POLE2: variants seen among roughly 807,000 people sequenced by gnomAD.
The protein encoded by POLE2 is DNA polymerase epsilon 2, accessory subunit.
POLE2 carries 56 observed loss-of-function variants against 79.4 expected under a neutral mutation model. The observed-to-expected ratio is 0.71, with a 90% CI of 0.57 to 0.88. The LOEUF (loss-of-function observed/expected upper bound fraction) is 0.88. POLE2 is among the 40% of genes least tolerant of loss of function. The pLI, the probability that POLE2 is intolerant of heterozygous loss-of-function variation, is 0.00. For synonymous variants in POLE2, 212 were observed against 214.0 expected (o/e 0.99, Z 0.08); for missense variants, 598 against 638.9 (o/e 0.94, Z 0.69).
At chr14:49,658,595 G>A (rs35682205) in intron 10 of POLE2, among the ~76,000 whole-genome samples, 42,798 of 152,042 alleles carry the variant, frequency 0.28, 7,167 homozygotes, top group African/African-American at 0.45. Flanking sequence ...TGTCATGCAC[G>A]GCATAAAAAC....
intron 16 of POLE2, among the ~76,000 whole-genome samples, chr14:49,650,776 A>G (rs1290199015): frequency 6.6e-6 from 1 of 152,220 alleles, no homozygotes; most frequent in East Asian, 1.9e-4. Context: ...AACTTTAAAT[A>G]TTATAAAATG....
At chr14:49,680,087 C>A (rs1320404150) in intron 2 of POLE2, among the ~76,000 whole-genome samples, 2 of 152,210 alleles carry the variant, frequency 1.3e-5, no homozygotes, top group African/African-American at 4.8e-5. Context: ...CGGTGGCTCA[C>A]ACCTATAATC....
chr14:49,667,536 A>G (rs1477513982), intron 6 of POLE2, among the ~76,000 whole-genome samples: 3 of 151,476 alleles, frequency 2.0e-5, no homozygotes, highest in African/African-American at 7.3e-5. Flanking sequence ...TTCTTGGCCC[A>G]CTACACAGAT....
chr14:49,665,831 T>C (rs28449338), intron 7 of POLE2, among the ~76,000 whole-genome samples: 2,679 of 152,168 alleles, frequency 0.018, 69 homozygotes, highest in African/African-American at 0.061. Context: ...ATTTTATTTA[T>C]TTATTTATTT....
chr14:49,664,219 T>G lies in POLE2; in HGVS notation c.682+407A>C, dbSNP rs193116843. On this transcript the variant is annotated intron_variant, in intron 9 of 18. Coordinates refer to ENST00000216367, the MANE Select transcript of POLE2 (RefSeq NM_002692.4). The stretch of plus-strand genomic sequence containing the variant: ...AAAAAATTAGCTAGGCATGGTGGCA[T>G]GCGCCTATAATCTCAGCTACTCGGA... Among the ~76,000 whole-genome samples, 127 of 146,964 alleles carry G rather than the reference T, an allele frequency of 8.6e-4. No individual in the cohort carries two copies. The East Asian group carries it at 0.025, about 28-fold the overall frequency.
intron 3 of POLE2, chr14:49,677,274 T>C (rs1371803291): frequency 3.3e-6 from 2 of 606,354 alleles, no homozygotes; most frequent in Non-Finnish European, 6.0e-6. Flanking sequence ...AGCTGCTGCT[T>C]CCGTTCTTTA....
chr14:49,659,058 G>A (rs1277331988), intron 10 of POLE2, among the ~76,000 whole-genome samples: 2 of 152,094 alleles, frequency 1.3e-5, no homozygotes, highest in Non-Finnish European at 1.5e-5. Context: ...ATGATTCTGT[G>A]TATAGGCCTA....
At chr14:49,679,391 A>G (rs1162200547) in intron 3 of POLE2, 1 of 192,404 alleles carries the variant, frequency 5.2e-6, no homozygotes, top group African/African-American at 2.3e-5. Context: ...CTTTCCTAAG[A>G]GCAAAGTAAA....
chr14:49,660,260 T>C (rs1421968874), intron 10 of POLE2, among the ~76,000 whole-genome samples: 1 of 152,196 alleles, frequency 6.6e-6, no homozygotes, highest in Non-Finnish European at 1.5e-5. Context: ...CAGTGGGCTA[T>C]ATCATCTAGG....
At chr14:49,670,145 G>A (rs1885773543) in intron 5 of POLE2, among the ~76,000 whole-genome samples, 1 of 151,880 alleles carries the variant, frequency 6.6e-6, no homozygotes, top group Middle Eastern at 3.4e-3. Context: ...GTGAAACCAC[G>A]TCTCTACCAA....
At chr14:49,651,546 T>C in intron 15 of POLE2, 169 bp from the exon 16 acceptor site, 1 of 437,628 alleles carries the variant, frequency 2.3e-6, no homozygotes, top group Non-Finnish European at 4.1e-6. Flanking sequence ...TGTATTGAGC[T>C]CTTAATATAT....
At position 49,654,912 on chromosome 14, in the gene POLE2, T is replaced by G. The variant is rs551511232; in HGVS notation, c.1019-74A>C. On this transcript the variant is annotated intron_variant, in intron 12 of 18. Transcript: ENST00000216367. ...AATTATATTTGATTAGATACAATCC[T>G]GTATATTCTTAATTAAAATATTATG... 355 of 1,395,954 alleles carry G rather than the reference T, an allele frequency of 2.5e-4. No homozygotes were observed. The African/African-American group carries it at 4.6e-3, about 18-fold the overall frequency. 86.5% of individuals were successfully genotyped at this position (1,395,954 alleles called of 1,614,324 possible).
chr14:49,654,073 A>C lies in POLE2; in HGVS notation c.1134-6T>G. On this transcript the variant is annotated splice_region_variant and splice_polypyrimidine_tract_variant and intron_variant, in intron 14 of 18. Coordinates refer to ENST00000216367, the MANE Select transcript of POLE2 (RefSeq NM_002692.4). The stretch of plus-strand genomic sequence containing the variant: ...TGCTTTCAGCAAGTGGTGGCCTATA[A>C]AAACAATTTATGTGATATAGTTTAT... 1.3e-6 allele frequency: 2 copies of C among 1,598,124 alleles called. No homozygotes were observed. The highest frequency in any genetic ancestry group is 1.7e-6 in the Non-Finnish European group (2 of 1,166,414).
chr14:49,679,808 G>T lies in POLE2; in HGVS notation c.170-8C>A. Reference sequence around the variant, plus strand: ...CAATCATGTTTGATGACACTGAAAAGAGAATTTCAAAGTCAAAATTTAAAA... The same window carrying T: ...CAATCATGTTTGATGACACTGAAAATAGAATTTCAAAGTCAAAATTTAAAA... On this transcript the variant is annotated splice_region_variant and splice_polypyrimidine_tract_variant and intron_variant, in intron 2 of 18. Transcript: ENST00000216367. 1 of 1,535,118 alleles carries T rather than the reference G, an allele frequency of 6.5e-7. No homozygotes were observed. The highest frequency in any genetic ancestry group is 8.9e-7 in the Non-Finnish European group (1 of 1,118,614).
At chr14:49,672,756 C>T (rs1885991947) in intron 5 of POLE2, among the ~76,000 whole-genome samples, 1 of 152,192 alleles carries the variant, frequency 6.6e-6, no homozygotes, top group Admixed American at 6.5e-5. Context: ...ACCTCGGCCT[C>T]CCAAAGTGCT....
At chr14:49,679,875 C>A in intron 2 of POLE2, 75 bp from the exon 3 acceptor site, 3 of 805,844 alleles carry the variant, frequency 3.7e-6, no homozygotes, top group South Asian at 1.6e-5. Flanking sequence ...GCTCTTTTCC[C>A]AAAAATAATT....
chr14:49,649,267 C>T (rs1216878011), intron 17 of POLE2, among the ~76,000 whole-genome samples: 1 of 150,496 alleles, frequency 6.6e-6, no homozygotes, highest in Non-Finnish European at 1.5e-5. Flanking sequence ...CTACCTCAGC[C>T]TCCCGAGTAG....
intron 3 of POLE2, among the ~76,000 whole-genome samples, chr14:49,679,248 C>T (rs1215645729): frequency 6.6e-6 from 1 of 152,058 alleles, no homozygotes; most frequent in East Asian, 1.9e-4. Context: ...AAATAAAACC[C>T]AGAAGAATTA....
At chr14:49,677,989 AT>A (rs1449975826) in intron 3 of POLE2, 5 of 174,614 alleles carry the variant, frequency 2.9e-5, no homozygotes, top group Non-Finnish European at 5.7e-5. Context: ...TCTTTATTTT[AT>A]TTTATTTATT....
Sources: allele counts gnomAD v4.1 joint callset (sites outside exome capture counted in the v4.1 genomes callset), GRCh38; gene constraint gnomAD v4.1.1; transcripts MANE v1.5; gene names NCBI Gene and HGNC (gene_info 2026-07-23, HGNC 2026-07-21).